The following TNFAIP8 variants were observed in gnomAD, a reference collection of about 807,000 sequenced individuals.
TNFAIP8 encodes the protein tumor necrosis factor alpha-induced protein 8.
In TNFAIP8, 7 loss-of-function variants were observed where a neutral mutation model predicts 13.3. The ratio of observed to expected loss-of-function variants is 0.52; its 90% CI spans 0.30 to 0.99. The LOEUF (loss-of-function observed/expected upper bound fraction) is 0.99, where lower values mean the gene tolerates loss of function less well. Among genes scored for constraint, TNFAIP8 ranks in the 50% least tolerant of loss-of-function variants. TNFAIP8 has a pLI of 0.07. For missense variants in TNFAIP8, 258 were observed against 236.9 expected (o/e 1.09, Z -0.58); for synonymous variants, 94 against 87.6 (o/e 1.07, Z -0.41).
chr5:119,283,987 C>T (rs887523038), intron 1 of TNFAIP8, among the ~76,000 whole-genome samples: 6 of 152,128 alleles, frequency 3.9e-5, no homozygotes, highest in African/African-American at 1.2e-4. Context: ...TCTGGTTAGC[C>T]CATGTATGTG....
In TNFAIP8 at chr5:119,332,324, G is replaced by GCAAA. The variant is rs1348722201; in HGVS notation, c.2-60492_2-60491insCAAA. 2.0e-4 allele frequency among the ~76,000 whole-genome samples: 31 copies of GCAAA among 152,224 alleles called. 1 individual carries two copies. Among genetic ancestry groups the GCAAA allele is most frequent in the African/African-American group, 7.5e-4 (31 of 41,526 alleles). ...ATCTTAATAGCAATTCTGTGACATTGATGATGTTATTCTCATCTTACGGAA... is the reference window on the plus strand; with the variant it reads ...ATCTTAATAGCAATTCTGTGACATTGCAAAATGATGTTATTCTCATCTTACGGAA... On this transcript the variant is annotated intron_variant, in intron 1 of 1. Transcript: ENST00000274456.
chr5:119,296,522 G>A (rs912838464), intron 1 of TNFAIP8, among the ~76,000 whole-genome samples: 1 of 152,018 alleles, frequency 6.6e-6, no homozygotes, highest in African/African-American at 2.4e-5. Context: ...GTTGGATTTG[G>A]TTTGCCAGTA....
At chr5:119,304,186 A>G (rs1184510401) in intron 1 of TNFAIP8, among the ~76,000 whole-genome samples, 1 of 151,968 alleles carries the variant, frequency 6.6e-6, no homozygotes, top group African/African-American at 2.4e-5. Flanking sequence ...TGGCATGATC[A>G]TAGCTCACTG....
intron 1 of TNFAIP8, among the ~76,000 whole-genome samples, chr5:119,296,598 G>A (rs1749184906): frequency 6.6e-6 from 1 of 152,054 alleles, no homozygotes; most frequent in African/African-American, 2.4e-5. Flanking sequence ...TTTTTTGGTT[G>A]TGCCTGTGCC....
intron 1 of TNFAIP8, among the ~76,000 whole-genome samples, chr5:119,348,694 A>C (rs1425856822): frequency 1.3e-5 from 2 of 152,102 alleles, no homozygotes; most frequent in Admixed American, 1.3e-4. Context: ...CAGCCTGGCC[A>C]ACATGGTGAA....
intron 1 of TNFAIP8, among the ~76,000 whole-genome samples, chr5:119,337,113 G>T (rs1187287676): frequency 6.6e-6 from 1 of 152,206 alleles, no homozygotes; most frequent in Non-Finnish European, 1.5e-5. Flanking sequence ...CCTGTATCCA[G>T]TGGACAAAGT....
chr5:119,338,058 T>C (rs565205272), intron 1 of TNFAIP8, among the ~76,000 whole-genome samples: 28 of 152,208 alleles, frequency 1.8e-4, no homozygotes, highest in African/African-American at 6.3e-4. Flanking sequence ...CTTCACCACA[T>C]GTGCCCCTGA....
At chr5:119,281,068 T>C (rs759309521) in intron 1 of TNFAIP8, among the ~76,000 whole-genome samples, 4 of 152,192 alleles carry the variant, frequency 2.6e-5, no homozygotes, top group Admixed American at 6.5e-5. Flanking sequence ...TTAGTATTCT[T>C]GTTAGTTTCC....
intron 1 of TNFAIP8, among the ~76,000 whole-genome samples, chr5:119,382,323 C>T (rs539438796): frequency 1.3e-5 from 2 of 152,154 alleles, no homozygotes; most frequent in Non-Finnish European, 2.9e-5. Context: ...TAGCTGTGTA[C>T]TCATCTATCC....
rs1752973600 is a variant in TNFAIP8 at position 119,393,334 on chromosome 5, A to G, written c.550A>G (p.Lys184Glu). The G allele has an allele frequency of 6.2e-7, 1 of 1,613,896 alleles. No individual in the cohort carries two copies. Among genetic ancestry groups the G allele is most frequent in the Non-Finnish European group, 8.5e-7 (1 of 1,179,880 alleles). ...PFGNFKPHLQ[K>E]LCDGINKMLD... ...TGGGAATTTTAAACCCCACTTACAA[A>G]AACTATGTGATGGTATCAACAAAAT... Residue 184 changes from lysine (K) to glutamate (E), a missense_variant, in exon 2 of 2, where the codon AAA becomes GAA. Lys to Glu is a moderately conservative substitution (Grantham distance 56). Coordinates refer to ENST00000504771, the MANE Select transcript of TNFAIP8 (RefSeq NM_014350.4).
At chr5:119,314,403 C>T (rs929687289) in intron 1 of TNFAIP8, among the ~76,000 whole-genome samples, 7 of 152,182 alleles carry the variant, frequency 4.6e-5, no homozygotes, top group African/African-American at 1.4e-4. Flanking sequence ...TGAAATGTTT[C>T]CTCTCTCTGT....
At chr5:119,292,334 G>A (rs1338322726) in intron 1 of TNFAIP8, among the ~76,000 whole-genome samples, 1 of 145,382 alleles carries the variant, frequency 6.9e-6, no homozygotes, top group Non-Finnish European at 1.5e-5. Context: ...AAAGAAGAAT[G>A]GGCCGTACTG....
rs149024192 is a variant in TNFAIP8, at chr5:119,383,827, T to G, written c.32-8989T>G. ...AGTATATTGTCGTTTTAGGTTATAT[T>G]TTAAAATGCTTATAAACTGCTCAAG... is the stretch of plus-strand genomic sequence containing the variant. On this transcript the variant is annotated intron_variant, in intron 1 of 1. Coordinates refer to ENST00000504771, the MANE Select transcript of TNFAIP8 (RefSeq NM_014350.4). Among the ~76,000 whole-genome samples, 77 of 152,330 alleles carry G rather than the reference T, an allele frequency of 5.1e-4. No individual in the cohort carries two copies. The East Asian group carries it at 0.012, about 23-fold the overall frequency.
chr5:119,275,224 A>C (rs183861185), intron 1 of TNFAIP8, among the ~76,000 whole-genome samples: 75 of 152,326 alleles, frequency 4.9e-4, no homozygotes, highest in African/African-American at 1.7e-3. Flanking sequence ...AGAACAAAAA[A>C]TAACAACCAA....
chr5:119,390,802 C>T (rs1283549513), intron 1 of TNFAIP8, among the ~76,000 whole-genome samples: 1 of 151,996 alleles, frequency 6.6e-6, no homozygotes, highest in Non-Finnish European at 1.5e-5. Context: ...TTTGGTTCTT[C>T]TTTTCCTCAA....
chr5:119,395,726 A>T lies in TNFAIP8; in HGVS notation c.*2345A>T, dbSNP rs1315202056. 1 of 152,196 alleles carries T rather than the reference A, an allele frequency of 6.6e-6. No individual in the cohort carries two copies. Among genetic ancestry groups the T allele is most frequent in the Non-Finnish European group, 1.5e-5 (1 of 68,030 alleles). The allele number at this position is 152,196 out of a possible 1,614,324, so 9.4% of individuals were successfully genotyped here. On this transcript the variant is annotated 3_prime_UTR_variant, in exon 2 of 2. Transcript: ENST00000504771. ...GTCCAAAGTCGTGATTAGCAAGTTC[A>T]TTTCTAATACAATAGGACTCCCCTT...
intron 1 of TNFAIP8, among the ~76,000 whole-genome samples, chr5:119,274,391 G>A (rs1242733855): frequency 3.9e-5 from 6 of 152,192 alleles, no homozygotes; most frequent in African/African-American, 1.4e-4. Flanking sequence ...AAAATGGCAG[G>A]TGTTTGGTTA....
chr5:119,289,180 G>T (rs1349780841), intron 1 of TNFAIP8, among the ~76,000 whole-genome samples: 1 of 152,158 alleles, frequency 6.6e-6, no homozygotes, highest in Non-Finnish European at 1.5e-5. Flanking sequence ...TATACTTATT[G>T]TATACAATCA....
At chr5:119,350,644 TC>T (rs1751089376) in intron 1 of TNFAIP8, among the ~76,000 whole-genome samples, 2 of 152,214 alleles carry the variant, frequency 1.3e-5, no homozygotes, top group Admixed American at 1.3e-4. Flanking sequence ...TGTATTATTG[TC>T]TCTCTGTGTG....
Sources: allele counts gnomAD v4.1 joint callset (sites outside exome capture counted in the v4.1 genomes callset), GRCh38; gene constraint gnomAD v4.1.1; transcripts MANE v1.5; gene names NCBI Gene and HGNC (gene_info 2026-07-23, HGNC 2026-07-21).